ITIH3: variants seen among roughly 807,000 people sequenced by gnomAD.
ITIH3 encodes the protein inter-alpha-trypsin inhibitor heavy chain 3.
A neutral mutation model predicts 96.5 loss-of-function variants in ITIH3; 81 were observed. That is an observed-to-expected ratio of 0.84 (90% CI 0.70 to 1.01). The LOEUF (loss-of-function observed/expected upper bound fraction) is 1.01, where lower values mean the gene tolerates loss of function less well. Among genes scored for constraint, ITIH3 ranks in the 50% least tolerant of loss-of-function variants. The probability of loss-of-function intolerance (pLI) is 0.00; values close to 1 mark genes in which losing one functional copy is unlikely to be tolerated. For synonymous variants in ITIH3, 422 were observed against 445.2 expected, an observed-to-expected ratio of 0.95 and a Z score of 0.66; for missense variants, 1,057 against 1,139.3, an observed-to-expected ratio of 0.93 and a Z score of 1.04.
At chr3:52,800,044 AG>A in intron 9 of ITIH3, 123 bp downstream of exon 9, 1 of 889,994 alleles carries the variant, frequency 1.1e-6, no homozygotes, top group Non-Finnish European at 1.7e-6. Context: ...GAGCTGGGGT[AG>A]AGGTGGGAGT....
intron 2 of ITIH3, chr3:52,795,865 C>T (rs948531872): frequency 3.8e-6 from 2 of 529,040 alleles, no homozygotes; most frequent in East Asian, 3.1e-5. Flanking sequence ...CCCTTCCTTC[C>T]GCAGACACTT....
intron 9 of ITIH3, chr3:52,800,239 C>T: frequency 1.9e-6 from 1 of 534,956 alleles, no homozygotes; most frequent in Non-Finnish European, 3.3e-6. Flanking sequence ...ACACTGCTCC[C>T]CTCTCCTCCC....
intron 10 of ITIH3, 93 bp from the exon 11 acceptor site, chr3:52,800,872 C>T: frequency 1.3e-6 from 2 of 1,537,060 alleles, no homozygotes; most frequent in Non-Finnish European, 1.8e-6. Flanking sequence ...TCCAGCAACT[C>T]TGCATGTGCA....
chr3:52,805,091 C>T (rs546840287), intron 15 of ITIH3: 9 of 262,594 alleles, frequency 3.4e-5, no homozygotes, highest in South Asian at 1.5e-4. Context: ...AATTGAGGCA[C>T]GGGGGGTTAA....
chr3:52,797,197 T>TG lies in ITIH3; in HGVS notation c.480dup (p.Lys161GlufsTer16). The stretch of plus-strand genomic sequence containing the variant: ...TTCGAGCTAACCTACGAGGAGCTGC[T>TG]GAAGAGGCACAAGGGCAAGTACGAG... On this transcript the variant is annotated frameshift_variant, in exon 5 of 22. Coordinates refer to ENST00000449956, the MANE Select transcript of ITIH3 (RefSeq NM_002217.4). LOFTEE classifies it high-confidence loss of function. 1 of 1,609,132 alleles carries TG rather than the reference T, an allele frequency of 6.2e-7. No individual in the cohort carries two copies. The highest frequency in any genetic ancestry group is 8.5e-7 in the Non-Finnish European group (1 of 1,177,944).
Position 52,806,884 on chromosome 3 carries a change from C to A in ITIH3, c.2057-17C>A, listed in dbSNP as rs765905876. ...AAGTTCTCGCTGGTCTCTCTCCCTG[C>A]CCCATCCCTCTGGCAGGCCTCACAG... On this transcript the variant is annotated splice_polypyrimidine_tract_variant and intron_variant, in intron 18 of 21. Transcript: ENST00000449956. 36 of 1,564,162 alleles carry A rather than the reference C, an allele frequency of 2.3e-5. No homozygotes were observed. In the South Asian group the frequency reaches 4.0e-4, roughly 17 times the overall value.
chr3:52,807,839 A>T lies in ITIH3; in HGVS notation c.2354A>T (p.His785Leu), dbSNP rs773178651. 9.3e-6 allele frequency: 15 copies of T among 1,611,560 alleles called. No homozygotes were observed. In the Admixed American group the frequency reaches 1.8e-4, roughly 20 times the overall value. ...GTCCTACACCAGGTGTGGAAGAAAC[A>T]TCCTGTCCACCGTGACTTTCTAGGC... is the stretch of plus-strand genomic sequence containing the variant. Reference protein sequence around the residue: ...VVVLHQVWKKHPVHRDFLGFY... With the variant: ...VVVLHQVWKKLPVHRDFLGFY... Residue 785 changes from histidine (H) to leucine (L), a missense_variant, in exon 20 of 22, where the codon CAT becomes CTT. By Grantham distance (99) the His-to-Leu change is moderately conservative. Coordinates refer to ENST00000449956, the MANE Select transcript of ITIH3 (RefSeq NM_002217.4).
intron 13 of ITIH3, 139 bp from the exon 14 acceptor site, chr3:52,803,716 C>T: frequency 1.1e-6 from 1 of 894,430 alleles, no homozygotes; most frequent in East Asian, 2.7e-5. Context: ...TCTCTGAGCC[C>T]AACTGGGCTG....
intron 10 of ITIH3, 151 bp downstream of exon 10, chr3:52,800,814 C>T: frequency 6.9e-7 from 1 of 1,448,338 alleles, no homozygotes; most frequent in Non-Finnish European, 9.4e-7. Flanking sequence ...CTGCCTCCCT[C>T]TGCCAGGGCT....
chr3:52,800,675 G>A lies in ITIH3; in HGVS notation c.1201+12G>A, dbSNP rs775025028. On this transcript the variant is annotated intron_variant, in intron 10 of 21. Coordinates refer to ENST00000449956, the MANE Select transcript of ITIH3 (RefSeq NM_002217.4). The stretch of plus-strand genomic sequence containing the variant: ...GGATGCCAATGTTGGTGAGGAGCAC[G>A]GGCATGGTTTTGAGCTAGGGCTGGA... 28 of 1,597,578 alleles carry A rather than the reference G, an allele frequency of 1.8e-5. No individual in the cohort carries two copies. The highest frequency in any genetic ancestry group is 3.5e-5 in the Admixed American group (2 of 57,364).
At chr3:52,800,245 C>G (rs1206291642) in intron 9 of ITIH3, 1 of 537,094 alleles carries the variant, frequency 1.9e-6, no homozygotes, top group Non-Finnish European at 3.3e-6. Flanking sequence ...CTCCCCTCTC[C>G]TCCCAGCAAG....
At chr3:52,803,314 TTA>T in intron 13 of ITIH3, among the ~76,000 whole-genome samples, 2 of 113,894 alleles carry the variant, frequency 1.8e-5, no homozygotes, top group African/African-American at 1.3e-4. Flanking sequence ...TTATTTTATT[TTA>T]TTATTATTAT....
Position 52,797,915 on chromosome 3 carries a change from C to T in ITIH3, c.648C>T (p.Ser216=), listed in dbSNP as rs1353633093. ...TCCTGGGAAGCGCCCTCACCAAGTC[C>T]TTCTCAGGGAAAAAGGTGATGTAGA... ...NDLLGSALTK[S]FSGKKGHVSF... The change falls in exon 6 of 22, where the codon TCC becomes TCT. Residue 216 remains serine (S), a synonymous_variant. Transcript: ENST00000449956. 1.9e-6 allele frequency: 3 copies of T among 1,597,786 alleles called. No homozygotes were observed. In the Admixed American group the frequency reaches 5.1e-5, roughly 27 times the overall value.
intron 8 of ITIH3, 43 bp from the exon 9 acceptor site, chr3:52,799,708 TCA>T: frequency 1.9e-6 from 3 of 1,556,272 alleles, no homozygotes; most frequent in Non-Finnish European, 2.6e-6. Flanking sequence ...AGAAGGGACC[TCA>T]CTCTCTGCTG....
intron 14 of ITIH3, 185 bp downstream of exon 14, chr3:52,804,194 G>T: frequency 8.1e-6 from 5 of 620,776 alleles, no homozygotes; most frequent in Non-Finnish European, 1.1e-5. Flanking sequence ...ATGGACAGTG[G>T]GGTGTGGGGT....
In ITIH3 at chr3:52,801,750, C is replaced by A. The variant is rs146416110; in HGVS notation, c.1384-584C>A. On this transcript the variant is annotated intron_variant, in intron 11 of 21. Coordinates refer to ENST00000449956, the MANE Select transcript of ITIH3 (RefSeq NM_002217.4). ...TGACCTTATTTTGTAGACCCTATCA[C>A]CAAATAAGGTTGAACTTTAGGAGTA... Among the ~76,000 whole-genome samples, 240 of 152,314 alleles carry A rather than the reference C, an allele frequency of 1.6e-3. 2 individuals are homozygous for A. Among genetic ancestry groups the A allele is most frequent in the Non-Finnish European group, 1.1e-3 (77 of 68,016 alleles).
At position 52,796,893 on chromosome 3, in the gene ITIH3, C is replaced by T. The variant is rs199653513; in HGVS notation, c.386+50C>T. On this transcript the variant is annotated intron_variant, in intron 4 of 21. Coordinates refer to ENST00000449956, the MANE Select transcript of ITIH3 (RefSeq NM_002217.4). ...GGGAGAATGTCTGGGATCCAAGGGC[C>T]TTCAGGGCTACAAACAACAACAACA... 5.2e-5 allele frequency: 69 copies of T among 1,331,584 alleles called. No homozygotes were observed. In the East Asian group the frequency reaches 5.8e-4, roughly 11 times the overall value. The allele number at this position is 1,331,584 out of a possible 1,614,324, so 82.5% of individuals were successfully genotyped here. A position where few individuals can be genotyped will look rare whatever the true frequency, so the allele number is the denominator to read the frequency against.
chr3:52,795,573 C>T (rs1281110574), intron 1 of ITIH3, 30 bp from the exon 2 acceptor site: 1 of 1,605,122 alleles, frequency 6.2e-7, no homozygotes. Context: ...GGCCTGATTC[C>T]TGTGTTTGTG....
Position 52,807,921 on chromosome 3 carries a change from G to A in ITIH3, c.2431+5G>A, listed in dbSNP as rs776708089. On this transcript the variant is annotated splice_donor_5th_base_variant and intron_variant, in intron 20 of 21. Coordinates refer to ENST00000449956, the MANE Select transcript of ITIH3 (RefSeq NM_002217.4). ...CACAGACGCATGGGCTGCTGGGTAC[G>A]AAGTGTTCAGACTGCAGGCTGTTCA... The A allele has an allele frequency of 3.7e-6, 6 of 1,611,878 alleles. No individual in the cohort carries two copies. The highest frequency in any genetic ancestry group is 2.2e-5 in the East Asian group (1 of 44,824).
Sources: gnomAD v4.1 joint callset for allele counts (sites outside exome capture counted in the v4.1 genomes callset) on GRCh38, gnomAD v4.1.1 for gene constraint, MANE v1.5 for transcripts, NCBI Gene and HGNC (gene_info 2026-07-23, HGNC 2026-07-21) for gene names.